IQCK: variants seen among roughly 807,000 people sequenced by gnomAD.
IQCK encodes IQ motif containing K.
In IQCK, 29 loss-of-function variants were observed where a neutral mutation model predicts 28.1. That is an observed-to-expected ratio of 1.03 (90% confidence interval 0.77 to 1.41). The LOEUF is 1.41. IQCK is among the 40% of genes most tolerant of loss of function. IQCK has a pLI of 0.00. For synonymous variants in IQCK, 113 were observed against 115.1 expected, an observed-to-expected ratio of 0.98 and a Z score of 0.12; for missense variants, 359 against 314.7, an observed-to-expected ratio of 1.14 and a Z score of -1.07.
At chr16:19,760,910 T>A (rs980243612) in intron 4 of IQCK, among the ~76,000 whole-genome samples, 3 of 152,228 alleles carry the variant, frequency 2.0e-5, no homozygotes, top group African/African-American at 7.2e-5. Context: ...ATGCCTCCCA[T>A]GTTTAGATGA....
chr16:19,726,423 A>C (rs1977658256), intron 1 of IQCK, among the ~76,000 whole-genome samples: 2 of 152,188 alleles, frequency 1.3e-5, no homozygotes, highest in Non-Finnish European at 2.9e-5. Flanking sequence ...TTTGGCCCAA[A>C]TTTTAAGTTA....
intron 7 of IQCK, among the ~76,000 whole-genome samples, chr16:19,823,361 T>C (rs2056101389): frequency 6.6e-6 from 1 of 152,184 alleles, no homozygotes. Flanking sequence ...TCTTAAATGC[T>C]GGGTCCTGCA....
intron 4 of IQCK, among the ~76,000 whole-genome samples, chr16:19,751,106 A>C (rs1169814707): frequency 6.6e-6 from 1 of 152,102 alleles, no homozygotes; most frequent in Non-Finnish European, 1.5e-5. Context: ...TAAGTGGGGA[A>C]GTGATAATCA....
chr16:19,811,543 G>A (rs1028924172), intron 7 of IQCK, among the ~76,000 whole-genome samples: 1 of 152,114 alleles, frequency 6.6e-6, no homozygotes, highest in Non-Finnish European at 1.5e-5. Flanking sequence ...CAAAAAATAG[G>A]TGTGGCTTCC....
chr16:19,726,077 G>T (rs186812525), intron 1 of IQCK, among the ~76,000 whole-genome samples: 1 of 151,844 alleles, frequency 6.6e-6, no homozygotes, highest in African/African-American at 2.4e-5. Context: ...CACCACTCCC[G>T]GCTAAGTTTT....
chr16:19,856,412 A>G (rs184038524), intron 9 of IQCK, 75 bp from the exon 9 acceptor site: 10 of 1,244,400 alleles, frequency 8.0e-6, no homozygotes, highest in Middle Eastern at 1.9e-4. Context: ...CACACATCAG[A>G]GTTTCCGGTT....
chr16:19,731,582 A>G (rs74013817), intron 2 of IQCK, among the ~76,000 whole-genome samples: 8,332 of 152,210 alleles, frequency 0.055, 709 homozygotes, highest in African/African-American at 0.18. Context: ...TGTTCTGACA[A>G]TATATGTTGA....
At chr16:19,827,425 G>A (rs1165047660), downstream of IQCK, among the ~76,000 whole-genome samples, 1 of 152,102 alleles carries the variant, frequency 6.6e-6, no homozygotes, top group Admixed American at 6.6e-5. Context: ...CATTATTTTG[G>A]AAACACAGTG....
At chr16:19,857,744 C>CT (rs1298084859) in exon 10 of IQCK, 11 of 102,222 alleles carry the variant, frequency 1.1e-4, no homozygotes, top group Non-Finnish European at 1.9e-4. Flanking sequence ...GGCATCTGGG[C>CT]TAAAAAAAAA....
intron 9 of IQCK, among the ~76,000 whole-genome samples, chr16:19,835,675 C>T (rs1477561252): frequency 6.6e-6 from 1 of 151,478 alleles, no homozygotes. Context: ...ACATCCACCT[C>T]CCGGGTTCAA....
At chr16:19,757,386 T>C (rs904432818) in intron 4 of IQCK, among the ~76,000 whole-genome samples, 1 of 152,164 alleles carries the variant, frequency 6.6e-6, no homozygotes, top group Non-Finnish European at 1.5e-5. Flanking sequence ...AATTTCCTCA[T>C]TTTCGGCTGG....
intron 6 of IQCK, among the ~76,000 whole-genome samples, chr16:19,776,801 G>T (rs2055402470): frequency 6.6e-6 from 1 of 152,176 alleles, no homozygotes; most frequent in African/African-American, 2.4e-5. Context: ...TTTAACAGGG[G>T]TAGATGATGT....
At chr16:19,735,369 T>C in exon 4 of IQCK, 2 of 1,613,728 alleles carry the variant, frequency 1.2e-6, no homozygotes, top group Non-Finnish European at 1.7e-6. Flanking sequence ...CCAAAGAATA[T>C]TTGGAAACTT....
rs1486975435 is a variant in IQCK at position 19,821,712 on chromosome 16, C to T, written c.691-5314C>T. On this transcript the variant is annotated intron_variant, in intron 7 of 7. Coordinates refer to ENST00000564186, the Ensembl canonical transcript of IQCK. ...CCGTCTCAATAAATAAATAAACAAA[C>T]AAAAACTCATACACAAATGTTCATA... Among the ~76,000 whole-genome samples, 3 of 151,876 alleles carry T rather than the reference C, an allele frequency of 2.0e-5. No homozygotes were observed. The East Asian group carries it at 5.8e-4, about 29-fold the overall frequency.
chr16:19,735,660 C>T (rs16972322), intron 4 of IQCK: 93,937 of 546,166 alleles, frequency 0.17, 8,821 homozygotes, highest in South Asian at 0.25. Flanking sequence ...ACTTGGACTC[C>T]GGAGAGCTTT....
chr16:19,736,014 C>T, intron 4 of IQCK: 1 of 430,404 alleles, frequency 2.3e-6, no homozygotes, highest in Non-Finnish European at 4.6e-6. Context: ...TGCAGTGATC[C>T]ATGATCACGT....
Position 19,811,591 on chromosome 16 carries a change from C to G in IQCK, c.691-15435C>G, listed in dbSNP as rs115613346. Reference sequence around the variant, plus strand: ...TTATATCTGGCACTGCAAAGACGACCCCACCAAAAAGCAGCTGCTCTTCAT... The same window carrying G: ...TTATATCTGGCACTGCAAAGACGACGCCACCAAAAAGCAGCTGCTCTTCAT... On this transcript the variant is annotated intron_variant, in intron 7 of 7. Transcript: ENST00000564186. Among the ~76,000 whole-genome samples, 287 of 152,182 alleles carry G rather than the reference C, an allele frequency of 1.9e-3. 3 individuals carry two copies. Among genetic ancestry groups the G allele is most frequent in the African/African-American group, 6.7e-3 (280 of 41,548 alleles).
At chr16:19,735,935 G>C (rs1009543703) in intron 4 of IQCK, among the ~76,000 whole-genome samples, 1 of 151,874 alleles carries the variant, frequency 6.6e-6, no homozygotes, top group Admixed American at 6.6e-5. Context: ...GTGTGGTGGC[G>C]CATACCTGTA....
chr16:19,854,507 G>GC (rs1204851865), intron 9 of IQCK, among the ~76,000 whole-genome samples: 2 of 152,194 alleles, frequency 1.3e-5, no homozygotes, highest in Non-Finnish European at 2.9e-5. Context: ...CTGGAAAAGG[G>GC]CCCTGAATTT....
Sources: allele counts gnomAD v4.1 joint callset (sites outside exome capture counted in the v4.1 genomes callset), GRCh38; gene constraint gnomAD v4.1.1; transcripts MANE v1.5; gene names NCBI Gene and HGNC (gene_info 2026-07-23, HGNC 2026-07-21).